Variants in EIF4E observed in about 807,000 individuals in gnomAD.
The protein encoded by EIF4E is eukaryotic translation initiation factor 4E.
For missense variants in EIF4E, 113 were observed against 265.6 expected (o/e 0.43, Z 3.99); for synonymous variants, 71 against 88.5 (o/e 0.80, Z 1.11).
At chr4:98,925,085 T>C (rs1376205632) in intron 1 of EIF4E, among the ~76,000 whole-genome samples, 1 of 152,200 alleles carries the variant, frequency 6.6e-6, no homozygotes, top group East Asian at 1.9e-4. Context: ...TTTGTCAATA[T>C]GTATATAAAC....
chr4:98,899,581 T>A (rs1024382731), intron 2 of EIF4E, among the ~76,000 whole-genome samples: 3 of 152,152 alleles, frequency 2.0e-5, no homozygotes, highest in Non-Finnish European at 4.4e-5. Flanking sequence ...TTCACACAAG[T>A]GCACAATTAT....
intron 3 of EIF4E, among the ~76,000 whole-genome samples, chr4:98,889,212 A>G: frequency 6.6e-6 from 1 of 152,090 alleles, no homozygotes. Flanking sequence ...CAAATTCCAT[A>G]GTATAACACA....
intron 1 of EIF4E, among the ~76,000 whole-genome samples, chr4:98,917,461 G>C (rs571009277): frequency 1.3e-5 from 2 of 152,082 alleles, no homozygotes; most frequent in Admixed American, 1.3e-4. Context: ...AGAAATTCTA[G>C]GAAGCTGAAG....
intron 1 of EIF4E, among the ~76,000 whole-genome samples, chr4:98,908,904 C>T (rs1724993264): frequency 6.6e-6 from 1 of 152,210 alleles, no homozygotes; most frequent in African/African-American, 2.4e-5. Flanking sequence ...CCTAGTTCTA[C>T]CTGTTTGTTG....
intron 1 of EIF4E, among the ~76,000 whole-genome samples, chr4:98,907,565 T>C (rs1001060288): frequency 1.3e-5 from 2 of 152,212 alleles, no homozygotes; most frequent in Admixed American, 6.5e-5. Flanking sequence ...CTGACTTCAC[T>C]ACTACAGTTT....
rs750797120 is a variant in EIF4E, at chr4:98,901,969, G to A, written c.32C>T (p.Thr11Ile). The change falls in exon 2 of 7, where the codon ACT (threonine) becomes ATT (isoleucine). Residue 11 changes from threonine (T) to isoleucine (I), a missense_variant. Coordinates refer to ENST00000450253, the MANE Select transcript of EIF4E (RefSeq NM_001968.5). MATVEPETTP[T>I]PNPPTTEEEK... is the part of the protein sequence containing the mutation. ...CTCTTCTGTAGTCGGGGGATTAGGA[G>A]TAGGGGTGGTTTCCTAGTGGAAAAT... 6.2e-7 allele frequency: 1 copy of A among 1,613,728 alleles called. No individual in the cohort carries two copies. The highest frequency in any genetic ancestry group is 8.5e-7 in the Non-Finnish European group (1 of 1,179,896).
At chr4:98,918,067 A>G (rs1329148052) in intron 1 of EIF4E, among the ~76,000 whole-genome samples, 1 of 148,836 alleles carries the variant, frequency 6.7e-6, no homozygotes, top group Non-Finnish European at 1.5e-5. Context: ...CCCTGTCTCA[A>G]AAAAATTTTT....
chr4:98,914,485 G>C (rs913323748), intron 1 of EIF4E, among the ~76,000 whole-genome samples: 1 of 147,662 alleles, frequency 6.8e-6, no homozygotes, highest in Non-Finnish European at 1.5e-5. Flanking sequence ...AAAATAAAAT[G>C]AGTTATCAAG....
chr4:98,898,109 C>T (rs889223677), intron 2 of EIF4E, among the ~76,000 whole-genome samples: 15 of 150,802 alleles, frequency 9.9e-5, no homozygotes, highest in Middle Eastern at 6.8e-3. Flanking sequence ...ATGTGTCCTA[C>T]GAAAAAGGGG....
At chr4:98,897,472 G>A (rs1424727024) in intron 2 of EIF4E, among the ~76,000 whole-genome samples, 2 of 152,020 alleles carry the variant, frequency 1.3e-5, no homozygotes, top group Admixed American at 1.3e-4. Context: ...TTGGGAGGCA[G>A]ACGCATGAGA....
At chr4:98,888,299 C>T (rs1724006886) in intron 3 of EIF4E, among the ~76,000 whole-genome samples, 1 of 151,956 alleles carries the variant, frequency 6.6e-6, no homozygotes, top group Non-Finnish European at 1.5e-5. Flanking sequence ...GAAGTTAATA[C>T]ACAGTTTTTT....
chr4:98,925,622 A>G (rs1273999770), intron 1 of EIF4E, among the ~76,000 whole-genome samples: 4 of 152,226 alleles, frequency 2.6e-5, no homozygotes, highest in African/African-American at 4.8e-5. Context: ...TCATACAAAG[A>G]GAAAACCACA....
chr4:98,884,772 G>T, intron 6 of EIF4E, 150 bp downstream of exon 6: 1 of 991,418 alleles, frequency 1.0e-6, no homozygotes, highest in East Asian at 2.7e-5. Context: ...CGCACCAATT[G>T]AGCCGTTCAA....
rs192046470 is a variant in EIF4E at position 98,888,959 on chromosome 4, G to A, written c.222-1007C>T. Among the ~76,000 whole-genome samples, 17 of 152,186 alleles carry A rather than the reference G, an allele frequency of 1.1e-4. No individual in the cohort carries two copies. The East Asian group carries it at 2.9e-3, about 26-fold the overall frequency. On this transcript the variant is annotated intron_variant, in intron 3 of 6. Coordinates refer to ENST00000450253, the MANE Select transcript of EIF4E (RefSeq NM_001968.5). ...GTGGATCATGAGGTCAGGAGTTCGAGACCAGCCTGACCAACATGATGAAAC... is the reference window on the plus strand; with the variant it reads ...GTGGATCATGAGGTCAGGAGTTCGAAACCAGCCTGACCAACATGATGAAAC...
In EIF4E at chr4:98,879,509, T is replaced by TAC. The variant is rs1723584408; in HGVS notation, c.*1517_*1518dup. On this transcript the variant is annotated 3_prime_UTR_variant, in exon 7 of 7. Transcript: ENST00000450253. ...TTCAAGTTTGCTTTCAAATGATACCTACAAAGAGTAGATCAAGTTTTCAAG... is the reference window on the plus strand; with the variant it reads ...TTCAAGTTTGCTTTCAAATGATACCTACACAAAGAGTAGATCAAGTTTTCAAG... 1 of 152,188 alleles carries TAC rather than the reference T, an allele frequency of 6.6e-6. No homozygotes were observed. Among genetic ancestry groups the TAC allele is most frequent in the Admixed American group, 6.5e-5 (1 of 15,274 alleles). The allele number at this position is 152,188 out of a possible 1,614,324, so 9.4% of individuals were successfully genotyped here.
At chr4:98,882,189 G>A (rs942052084) in intron 6 of EIF4E, among the ~76,000 whole-genome samples, 3 of 151,694 alleles carry the variant, frequency 2.0e-5, no homozygotes, top group Non-Finnish European at 3.0e-5. Context: ...TCAGGAGATC[G>A]AGACCATCCT....
intron 1 of EIF4E, among the ~76,000 whole-genome samples, chr4:98,907,950 G>A (rs1384530896): frequency 6.6e-6 from 1 of 152,034 alleles, no homozygotes; most frequent in Non-Finnish European, 1.5e-5. Context: ...GAGTAAATGC[G>A]GCATACTGAA....
At chr4:98,896,815 A>G (rs1319811874) in intron 2 of EIF4E, among the ~76,000 whole-genome samples, 1 of 152,054 alleles carries the variant, frequency 6.6e-6, no homozygotes, top group Non-Finnish European at 1.5e-5. Flanking sequence ...AACTCTACAA[A>G]AAATACTAAA....
rs186685058 is a variant in EIF4E, at chr4:98,888,957, G to A, written c.222-1005C>T. On this transcript the variant is annotated intron_variant, in intron 3 of 6. Transcript: ENST00000450253. Reference sequence around the variant, plus strand: ...AGGTGGATCATGAGGTCAGGAGTTCGAGACCAGCCTGACCAACATGATGAA... The same window carrying A: ...AGGTGGATCATGAGGTCAGGAGTTCAAGACCAGCCTGACCAACATGATGAA... Among the ~76,000 whole-genome samples, 625 of 152,098 alleles carry A rather than the reference G, an allele frequency of 4.1e-3. 4 individuals are homozygous for A. Among genetic ancestry groups the A allele is most frequent in the African/African-American group, 0.014 (594 of 41,480 alleles).
Sources: allele counts gnomAD v4.1 joint callset (sites outside exome capture counted in the v4.1 genomes callset), GRCh38; gene constraint gnomAD v4.1.1; transcripts MANE v1.5; gene names NCBI Gene and HGNC (gene_info 2026-07-23, HGNC 2026-07-21).